The following CDKAL1 variants were observed in gnomAD, a reference collection of about 807,000 sequenced individuals.
CDKAL1 encodes threonylcarbamoyladenosine tRNA methylthiotransferase.
In CDKAL1, 32 loss-of-function variants were observed where a neutral mutation model predicts 68.2. The observed-to-expected ratio is 0.47, with a 90% confidence interval of 0.35 to 0.63. The LOEUF is 0.63. CDKAL1 is among the 30% of genes least tolerant of loss of function. CDKAL1 has a pLI of 0.00. For missense variants in CDKAL1, 606 were observed against 696.7 expected (o/e 0.87, Z 1.47); for synonymous variants, 234 against 244.3 (o/e 0.96, Z 0.39).
intron 8 of CDKAL1, among the ~76,000 whole-genome samples, chr6:20,822,157 C>G (rs1225388447): frequency 6.6e-6 from 1 of 151,920 alleles, no homozygotes; most frequent in Non-Finnish European, 1.5e-5. Flanking sequence ...ATATGCCAGC[C>G]CCTGATATAG....
chr6:20,875,687 A>T (rs1760477223), intron 9 of CDKAL1, among the ~76,000 whole-genome samples: 1 of 152,112 alleles, frequency 6.6e-6, no homozygotes, highest in Non-Finnish European at 1.5e-5. Flanking sequence ...ATGAAAAAAA[A>T]TAGGGTCTGT....
Position 21,136,462 on chromosome 6 carries a change from T to A in CDKAL1, c.1299+27999T>A, listed in dbSNP as rs905739825. On this transcript the variant is annotated intron_variant, in intron 13 of 15. Transcript: ENST00000274695. ...CCACTATTAGTAATTACTGTATTATTGGTAGTAGTGTTAATAGCAAAGCAT... is the reference window on the plus strand; with the variant it reads ...CCACTATTAGTAATTACTGTATTATAGGTAGTAGTGTTAATAGCAAAGCAT... Among the ~76,000 whole-genome samples, 3 of 152,194 alleles carry A rather than the reference T, an allele frequency of 2.0e-5. No individual in the cohort carries two copies. In the East Asian group the frequency reaches 5.8e-4, roughly 29 times the overall value.
chr6:21,003,371 T>TATATATATATATATATATAC, intron 11 of CDKAL1, among the ~76,000 whole-genome samples: 138 of 49,210 alleles, frequency 2.8e-3, no homozygotes, highest in African/African-American at 3.9e-3. Flanking sequence ...TATATATATA[T>TATATATATATATATATATAC]ACACACACAC....
chr6:20,873,131 T>C (rs1760310040), intron 9 of CDKAL1, among the ~76,000 whole-genome samples: 2 of 152,076 alleles, frequency 1.3e-5, no homozygotes, highest in Non-Finnish European at 2.9e-5. Context: ...GAGTCAAAAA[T>C]TGGAGTAAAA....
At chr6:20,951,669 A>C (rs948797636) in intron 9 of CDKAL1, among the ~76,000 whole-genome samples, 1 of 152,208 alleles carries the variant, frequency 6.6e-6, no homozygotes, top group Non-Finnish European at 1.5e-5. Context: ...ACCAAAATTA[A>C]TGCATCAAAA....
intron 9 of CDKAL1, among the ~76,000 whole-genome samples, chr6:20,883,356 G>A (rs1000665999): frequency 1.3e-5 from 2 of 152,134 alleles, no homozygotes; most frequent in African/African-American, 4.8e-5. Flanking sequence ...CCCCACATAT[G>A]GTAGGCAAAA....
chr6:21,221,929 CTCTG>C (rs1474199176), intron 15 of CDKAL1, among the ~76,000 whole-genome samples: 5 of 152,190 alleles, frequency 3.3e-5, no homozygotes, highest in Admixed American at 6.5e-5. Context: ...ATACGATTAT[CTCTG>C]TCTTTCATTT....
At chr6:20,764,400 A>G (rs1774604156) in intron 7 of CDKAL1, among the ~76,000 whole-genome samples, 1 of 152,160 alleles carries the variant, frequency 6.6e-6, no homozygotes, top group African/African-American at 2.4e-5. Flanking sequence ...CGTGGTATAT[A>G]ATTTGCAAGT....
At chr6:21,152,753 A>C (rs1776470008) in intron 13 of CDKAL1, among the ~76,000 whole-genome samples, 1 of 152,238 alleles carries the variant, frequency 6.6e-6, no homozygotes, top group Non-Finnish European at 1.5e-5. Flanking sequence ...TGGTTTTCAA[A>C]AACTGAATTA....
At chr6:21,187,133 C>T (rs1230854426) in intron 13 of CDKAL1, among the ~76,000 whole-genome samples, 1 of 152,154 alleles carries the variant, frequency 6.6e-6, no homozygotes, top group Admixed American at 6.5e-5. Flanking sequence ...TTGAGATTCG[C>T]CACATTTTAA....
At chr6:21,109,614 A>T (rs1391602681) in intron 13 of CDKAL1, among the ~76,000 whole-genome samples, 5 of 152,252 alleles carry the variant, frequency 3.3e-5, no homozygotes, top group Non-Finnish European at 2.9e-5. Context: ...TAAATCAGTC[A>T]CATTGCAGAA....
chr6:21,214,543 G>A (rs1055756273), intron 15 of CDKAL1, among the ~76,000 whole-genome samples: 2 of 151,756 alleles, frequency 1.3e-5, no homozygotes, highest in African/African-American at 2.4e-5. Context: ...CCTCTGCTTG[G>A]AATGCCCATC....
intron 5 of CDKAL1, among the ~76,000 whole-genome samples, chr6:20,710,473 A>G (rs1470328119): frequency 6.6e-6 from 1 of 152,196 alleles, no homozygotes; most frequent in Non-Finnish European, 1.5e-5. Flanking sequence ...TTGTGTACAT[A>G]CACTCTGTGA....
chr6:20,823,765 C>T (rs928707996), intron 8 of CDKAL1, among the ~76,000 whole-genome samples: 3 of 152,078 alleles, frequency 2.0e-5, no homozygotes, highest in Non-Finnish European at 2.9e-5. Flanking sequence ...ACGAATGCTG[C>T]GTTTTCTAGG....
At chr6:21,131,959 A>G (rs1775342338) in intron 13 of CDKAL1, among the ~76,000 whole-genome samples, 1 of 152,190 alleles carries the variant, frequency 6.6e-6, no homozygotes, top group South Asian at 2.1e-4. Flanking sequence ...GTTTAACCAT[A>G]GGAAAAAAAT....
In CDKAL1 at chr6:20,552,268, G is replaced by A. The variant is rs183270075; in HGVS notation, c.286+3563G>A. Among the ~76,000 whole-genome samples, 268 of 152,028 alleles carry A rather than the reference G, an allele frequency of 1.8e-3. 1 individual carries two copies. The highest frequency in any genetic ancestry group is 6.1e-3 in the African/African-American group (254 of 41,454). On this transcript the variant is annotated intron_variant, in intron 4 of 15. Coordinates refer to ENST00000274695, the MANE Select transcript of CDKAL1 (RefSeq NM_017774.3). Reference sequence around the variant, plus strand: ...AGAGGATGAGGTGGCAGGATCGCTTGAGCCTGAGAGGTAGAGGCTGCAGTG... The same window carrying A: ...AGAGGATGAGGTGGCAGGATCGCTTAAGCCTGAGAGGTAGAGGCTGCAGTG...
At chr6:20,655,839 A>C (rs188333194) in intron 5 of CDKAL1, among the ~76,000 whole-genome samples, 15 of 152,298 alleles carry the variant, frequency 9.8e-5, no homozygotes, top group Admixed American at 9.2e-4. Context: ...GAATTCTAGG[A>C]AGGGAGTTAT....
At chr6:20,759,602 G>T (rs79231777) in intron 7 of CDKAL1, among the ~76,000 whole-genome samples, 1 of 152,108 alleles carries the variant, frequency 6.6e-6, no homozygotes, top group Non-Finnish European at 1.5e-5. Flanking sequence ...CACATAATTA[G>T]GTTGTTTTGT....
chr6:21,018,889 T>C (rs1279040077), intron 11 of CDKAL1, among the ~76,000 whole-genome samples: 2 of 152,172 alleles, frequency 1.3e-5, no homozygotes, highest in African/African-American at 4.8e-5. Flanking sequence ...AAAGGGAAGA[T>C]ATACATGGCC....
Sources: gnomAD v4.1 joint callset for allele counts (sites outside exome capture counted in the v4.1 genomes callset) on GRCh38, gnomAD v4.1.1 for gene constraint, MANE v1.5 for transcripts, NCBI Gene and HGNC (gene_info 2026-07-23, HGNC 2026-07-21) for gene names.